Variants in SGCD observed in about 807,000 individuals in gnomAD.
SGCD encodes delta-sarcoglycan.
SGCD carries 18 observed loss-of-function variants against 36.6 expected under a neutral mutation model. The observed-to-expected ratio is 0.49, with a 90% confidence interval of 0.34 to 0.73. The LOEUF is 0.73. SGCD is among the 30% of genes least tolerant of loss of function. The pLI, the probability that SGCD is intolerant of heterozygous loss-of-function variation, is 0.01. For synonymous variants in SGCD, 133 were observed against 130.6 expected, an observed-to-expected ratio of 1.02 and a Z score of -0.12; for missense variants, 387 against 346.7, an observed-to-expected ratio of 1.12 and a Z score of -0.92.
chr5:156,539,196 C>G (rs1403971780), intron 4 of SGCD, among the ~76,000 whole-genome samples: 1 of 151,898 alleles, frequency 6.6e-6, no homozygotes, highest in African/African-American at 2.4e-5. Flanking sequence ...ACTTGGGTCT[C>G]CCTCTTTACA....
At chr5:156,167,134 C>G (rs1763233043) in intron 3 of SGCD, among the ~76,000 whole-genome samples, 1 of 152,140 alleles carries the variant, frequency 6.6e-6, no homozygotes, top group Admixed American at 6.5e-5. Context: ...TCCCAGTTCT[C>G]TCTCAGCTTG....
At chr5:156,378,403 A>C (rs1298378819) in intron 3 of SGCD, among the ~76,000 whole-genome samples, 2 of 152,194 alleles carry the variant, frequency 1.3e-5, no homozygotes, top group Admixed American at 6.5e-5. Flanking sequence ...AGGTTCTGAA[A>C]ATAGATGGGG....
At chr5:155,866,294 A>G (rs1755523303), upstream of SGCD, among the ~76,000 whole-genome samples, 1 of 152,098 alleles carries the variant, frequency 6.6e-6, no homozygotes, top group African/African-American at 2.4e-5. Context: ...AATGATCCCT[A>G]GTATAGTTGG....
At chr5:156,011,372 G>T (rs7717273) in intron 1 of SGCD, among the ~76,000 whole-genome samples, 12,001 of 152,014 alleles carry the variant, frequency 0.079, 1,556 homozygotes, top group African/African-American at 0.27. Context: ...GTTATAACAT[G>T]AGAGATATAT....
rs533886296 is a variant in SGCD, at chr5:156,751,010, C to T, written c.576-6571C>T. On this transcript the variant is annotated intron_variant, in intron 7 of 8. Coordinates refer to ENST00000337851, the MANE Select transcript of SGCD (RefSeq NM_000337.6). ...ATTCCAAAAGAATTTCCTTATGAAACTTAAGTTCATTCCAAAATGTATGTG... is the reference window on the plus strand; with the variant it reads ...ATTCCAAAAGAATTTCCTTATGAAATTTAAGTTCATTCCAAAATGTATGTG... Among the ~76,000 whole-genome samples the T allele has an allele frequency of 2.0e-5, 3 of 152,258 alleles. No individual in the cohort carries two copies. In the South Asian group the frequency reaches 6.2e-4, roughly 32 times the overall value.
intron 1 of SGCD, among the ~76,000 whole-genome samples, chr5:155,960,272 CTG>C (rs1449120455): frequency 6.6e-6 from 1 of 152,094 alleles, no homozygotes; most frequent in African/African-American, 2.4e-5. Context: ...CCCTGCTACT[CTG>C]TTGTCCTGGC....
chr5:156,190,215 A>G (rs1340172833), intron 3 of SGCD, among the ~76,000 whole-genome samples: 1 of 152,178 alleles, frequency 6.6e-6, no homozygotes, highest in Non-Finnish European at 1.5e-5. Context: ...CTATAAGTCC[A>G]TACTCAGGCT....
chr5:156,758,603 A>G (rs905082408), intron 8 of SGCD, among the ~76,000 whole-genome samples: 1 of 152,218 alleles, frequency 6.6e-6, no homozygotes, highest in African/African-American at 2.4e-5. Flanking sequence ...CCACACACAT[A>G]TAAAAATAGT....
chr5:156,156,222 G>A (rs188890833), intron 3 of SGCD, among the ~76,000 whole-genome samples: 16 of 151,672 alleles, frequency 1.1e-4, no homozygotes, highest in Non-Finnish European at 1.0e-4. Flanking sequence ...AGAGAAGAGA[G>A]AGCATTGCAA....
intron 3 of SGCD, among the ~76,000 whole-genome samples, chr5:156,269,469 C>CACAAAA: frequency 3.3e-5 from 1 of 30,474 alleles, no homozygotes; most frequent in East Asian, 2.6e-3. Context: ...GACTCCGTCT[C>CACAAAA]AAAAAAAAAA....
intron 3 of SGCD, among the ~76,000 whole-genome samples, chr5:156,129,158 G>A (rs552178270): frequency 7.2e-5 from 11 of 152,200 alleles, no homozygotes; most frequent in African/African-American, 2.6e-4. Flanking sequence ...CACATATTAA[G>A]CATTTCACTG....
At chr5:156,485,957 G>A (rs1755638221) in intron 3 of SGCD, among the ~76,000 whole-genome samples, 1 of 152,054 alleles carries the variant, frequency 6.6e-6, no homozygotes, top group East Asian at 1.9e-4. Flanking sequence ...TTACAGAAGA[G>A]CTCCTCAGGT....
Position 156,218,296 on chromosome 5 carries a change from T to C in SGCD, c.-44+94277T>C, listed in dbSNP as rs553732018. On this transcript the variant is annotated intron_variant, in intron 3 of 9. Transcript: ENST00000517913. The stretch of plus-strand genomic sequence containing the variant: ...AAAATAAAAGTATGTTTTGATGTTG[T>C]CTTTCAAACAACATGAAAGATATTA... Among the ~76,000 whole-genome samples, 9 of 152,236 alleles carry C rather than the reference T, an allele frequency of 5.9e-5. No homozygotes were observed. In the East Asian group the frequency reaches 1.7e-3, roughly 29 times the overall value.
intron 4 of SGCD, among the ~76,000 whole-genome samples, chr5:156,583,314 C>T (rs969747437): frequency 9.2e-5 from 14 of 152,160 alleles, no homozygotes; most frequent in African/African-American, 3.1e-4. Context: ...TACCTCCTGC[C>T]CTGTAGCTCA....
intron 4 of SGCD, among the ~76,000 whole-genome samples, chr5:156,583,287 T>C (rs1476912439): frequency 6.6e-6 from 1 of 152,120 alleles, no homozygotes; most frequent in African/African-American, 2.4e-5. Flanking sequence ...AACTCTGCCT[T>C]CAAATATTCA....
intron 1 of SGCD, among the ~76,000 whole-genome samples, chr5:156,080,820 C>G (rs1308909708): frequency 2.6e-5 from 4 of 152,190 alleles, no homozygotes; most frequent in Non-Finnish European, 5.9e-5. Flanking sequence ...TTTAACCAGT[C>G]TTTAAAAATT....
At chr5:156,397,410 C>G (rs1675312449) in intron 3 of SGCD, among the ~76,000 whole-genome samples, 1 of 152,162 alleles carries the variant, frequency 6.6e-6, no homozygotes, top group African/African-American at 2.4e-5. Flanking sequence ...TATACAACAA[C>G]AATCCCCAAA....
At chr5:156,580,245 ACT>A (rs1760191953) in intron 4 of SGCD, among the ~76,000 whole-genome samples, 1 of 152,064 alleles carries the variant, frequency 6.6e-6, no homozygotes, top group African/African-American at 2.4e-5. Flanking sequence ...ATTGTCCCCC[ACT>A]CTCTACTGGC....
At position 156,390,365 on chromosome 5, in the gene SGCD, G is replaced by A. The variant is rs867058945; in HGVS notation, c.192+45688G>A. On this transcript the variant is annotated intron_variant, in intron 3 of 8. Coordinates refer to ENST00000337851, the MANE Select transcript of SGCD (RefSeq NM_000337.6). ...ACAAGATGTGGAGGTGGAAGACAGC[G>A]TTGTTGGTGATCCTGACCCTGTGTA... 5.9e-5 allele frequency among the ~76,000 whole-genome samples: 9 copies of A among 152,310 alleles called. No individual in the cohort carries two copies. In the Middle Eastern group the frequency reaches 0.014, roughly 230 times the overall value.
Sources: allele counts gnomAD v4.1 joint callset (sites outside exome capture counted in the v4.1 genomes callset), GRCh38; gene constraint gnomAD v4.1.1; transcripts MANE v1.5; gene names NCBI Gene and HGNC (gene_info 2026-07-23, HGNC 2026-07-21).